The following PRKAR2B variants were observed in gnomAD, a reference collection of about 807,000 sequenced individuals.
The protein encoded by PRKAR2B is protein kinase cAMP-dependent type II regulatory subunit beta, also known as cAMP-dependent protein kinase type II-beta regulatory subunit.
PRKAR2B carries 14 observed loss-of-function variants against 49.9 expected under a neutral mutation model. That is an observed-to-expected ratio of 0.28 (90% CI 0.19 to 0.44). The LOEUF (loss-of-function observed/expected upper bound fraction) is 0.44. Among genes scored for constraint, PRKAR2B ranks in the 20% least tolerant of loss-of-function variants. The pLI, the probability that PRKAR2B is intolerant of heterozygous loss-of-function variation, is 1.00. For missense variants in PRKAR2B, 393 were observed against 537.9 expected (o/e 0.73, Z 2.67); for synonymous variants, 196 against 197.7 (o/e 0.99, Z 0.07).
intron 2 of PRKAR2B, among the ~76,000 whole-genome samples, chr7:107,085,442 G>T: frequency 6.6e-6 from 1 of 152,100 alleles, no homozygotes; most frequent in South Asian, 2.1e-4. Context: ...GTTGTGATTA[G>T]TATATGCATA....
At chr7:107,066,152 T>C (rs1794137169) in intron 1 of PRKAR2B, among the ~76,000 whole-genome samples, 1 of 152,192 alleles carries the variant, frequency 6.6e-6, no homozygotes, top group South Asian at 2.1e-4. Context: ...TCTTTTTTCC[T>C]TGGGGATTCA....
intron 1 of PRKAR2B, among the ~76,000 whole-genome samples, chr7:107,057,897 A>G (rs530325625): frequency 3.9e-5 from 6 of 152,330 alleles, no homozygotes; most frequent in South Asian, 2.1e-4. Context: ...AAGCCAGTAT[A>G]GTAATAGTAC....
chr7:107,073,288 A>G (rs1289524741), intron 2 of PRKAR2B, among the ~76,000 whole-genome samples: 1 of 151,728 alleles, frequency 6.6e-6, no homozygotes, highest in Non-Finnish European at 1.5e-5. Context: ...ACTTTTAAGA[A>G]CACTATTTGT....
chr7:107,126,516 T>C (rs981234365), intron 3 of PRKAR2B, among the ~76,000 whole-genome samples: 2 of 151,424 alleles, frequency 1.3e-5, no homozygotes, highest in East Asian at 1.9e-4. Flanking sequence ...TGAAGGCTTA[T>C]AGGAATTGAA....
intron 2 of PRKAR2B, among the ~76,000 whole-genome samples, chr7:107,079,937 G>C (rs1584416916): frequency 6.6e-6 from 1 of 151,722 alleles, no homozygotes; most frequent in Middle Eastern, 3.4e-3. Context: ...AGTAGTGTGT[G>C]CTGGGGTAAG....
At chr7:107,089,183 A>G (rs1422691045) in intron 2 of PRKAR2B, among the ~76,000 whole-genome samples, 1 of 152,104 alleles carries the variant, frequency 6.6e-6, no homozygotes, top group Admixed American at 6.5e-5. Flanking sequence ...CAAACAAACA[A>G]AAAAATAGTC....
chr7:107,150,698 T>TAAAAAAA (rs58258955), intron 6 of PRKAR2B, among the ~76,000 whole-genome samples: 38 of 140,602 alleles, frequency 2.7e-4, no homozygotes, highest in Non-Finnish European at 4.6e-4. Context: ...ATGCTTTCTT[T>TAAAAAAA]AAAAAAAAAA....
intron 2 of PRKAR2B, among the ~76,000 whole-genome samples, chr7:107,100,525 A>C (rs1439203027): frequency 1.3e-5 from 2 of 152,364 alleles, no homozygotes; most frequent in South Asian, 2.1e-4. Context: ...TAGAATCTAC[A>C]TAAATGTTTT....
At chr7:107,094,255 A>G (rs900251118) in intron 2 of PRKAR2B, among the ~76,000 whole-genome samples, 1 of 152,196 alleles carries the variant, frequency 6.6e-6, no homozygotes, top group Non-Finnish European at 1.5e-5. Context: ...CATTTCTCTG[A>G]TGGCCAGTGA....
intron 1 of PRKAR2B, among the ~76,000 whole-genome samples, chr7:107,055,865 G>T (rs969765734): frequency 1.3e-5 from 2 of 152,126 alleles, no homozygotes; most frequent in African/African-American, 2.4e-5. Context: ...ACTGCTTTTG[G>T]TGTTTTAGAC....
intron 2 of PRKAR2B, among the ~76,000 whole-genome samples, chr7:107,113,897 C>T (rs555832120): frequency 1.4e-4 from 21 of 152,232 alleles, no homozygotes; most frequent in Admixed American, 6.5e-4. Flanking sequence ...CAGAATCGCA[C>T]GGGCTACTCA....
At chr7:107,065,360 G>T (rs1794118247) in intron 1 of PRKAR2B, among the ~76,000 whole-genome samples, 1 of 141,164 alleles carries the variant, frequency 7.1e-6, no homozygotes, top group Non-Finnish European at 1.6e-5. Context: ...GTGTGTGTGT[G>T]TGTGTGTGTG....
At chr7:107,120,755 G>T (rs1795372280) in intron 2 of PRKAR2B, among the ~76,000 whole-genome samples, 1 of 151,934 alleles carries the variant, frequency 6.6e-6, no homozygotes, top group Non-Finnish European at 1.5e-5. Flanking sequence ...TAGATATCAT[G>T]ACATTAAAAA....
chr7:107,130,067 A>G (rs1795575918), intron 4 of PRKAR2B, among the ~76,000 whole-genome samples: 1 of 152,212 alleles, frequency 6.6e-6, no homozygotes, highest in Non-Finnish European at 1.5e-5. Context: ...CTCCTATTCA[A>G]GATGGAGTTG....
intron 2 of PRKAR2B, among the ~76,000 whole-genome samples, chr7:107,079,021 C>T (rs771786002): frequency 3.3e-5 from 5 of 152,248 alleles, no homozygotes; most frequent in African/African-American, 1.2e-4. Flanking sequence ...CACCAAACCC[C>T]GTGTGCCTTA....
At chr7:107,148,351 A>T (rs1795928884) in intron 6 of PRKAR2B, among the ~76,000 whole-genome samples, 1 of 152,212 alleles carries the variant, frequency 6.6e-6, no homozygotes, top group Non-Finnish European at 1.5e-5. Flanking sequence ...ACTGTTTTAT[A>T]GGTTGGCCTC....
chr7:107,094,712 A>G (rs1287088237), intron 2 of PRKAR2B, among the ~76,000 whole-genome samples: 1 of 152,214 alleles, frequency 6.6e-6, no homozygotes, highest in Non-Finnish European at 1.5e-5. Context: ...ATCCACTTTC[A>G]GCTTTCTGCA....
At chr7:107,113,994 A>T (rs1267332930) in intron 2 of PRKAR2B, among the ~76,000 whole-genome samples, 1 of 152,198 alleles carries the variant, frequency 6.6e-6, no homozygotes, top group East Asian at 1.9e-4. Context: ...TGTTGATAGG[A>T]TTCCTTTGAT....
At chr7:107,093,512 CTTTTTTTT>C (rs58693908) in intron 2 of PRKAR2B, among the ~76,000 whole-genome samples, 1 of 146,260 alleles carries the variant, frequency 6.8e-6, no homozygotes, top group Non-Finnish European at 1.5e-5. Flanking sequence ...ACTTTTTTTT[CTTTTTTTT>C]TTTTATTATA....
Sources: allele counts gnomAD v4.1 joint callset (sites outside exome capture counted in the v4.1 genomes callset), GRCh38; gene constraint gnomAD v4.1.1; transcripts MANE v1.5; gene names NCBI Gene and HGNC (gene_info 2026-07-23, HGNC 2026-07-21).